The following C17orf107 variants were observed in gnomAD, a reference collection of about 807,000 sequenced individuals.
C17orf107 encodes the protein uncharacterized protein C17orf107.
A neutral mutation model predicts 8.9 loss-of-function variants in C17orf107; 9 were observed. The observed-to-expected ratio is 1.02, with a 90% CI of 0.61 to 1.77. The LOEUF is 1.77. Among genes scored for constraint, C17orf107 ranks in the 40% most tolerant of loss-of-function variants. The pLI, the probability that C17orf107 is intolerant of heterozygous loss-of-function variation, is 0.00. For missense variants in C17orf107, 281 were observed against 249.0 expected (o/e 1.13, Z -0.86); for synonymous variants, 139 against 120.3 (o/e 1.16, Z -1.02).
downstream of C17orf107, among the ~76,000 whole-genome samples, chr17:4,904,595 C>T (rs1172446216): frequency 2.0e-5 from 3 of 152,190 alleles, no homozygotes; most frequent in Non-Finnish European, 4.4e-5. Flanking sequence ...AAGCAATGAT[C>T]ACTGTCCTGA....
Position 4,900,139 on chromosome 17 carries a change from G to A in C17orf107, c.270G>A (p.Leu90=). Residue 90 remains leucine (L), a synonymous_variant, in exon 2 of 3, where the codon TTG becomes TTA. Coordinates refer to ENST00000381365, the MANE Select transcript of C17orf107 (RefSeq NM_001145536.2). ...TASLVSFGTT[L]LEISALWLQQ... ...GCCTCGTGAGCTTCGGCACCACCTT[G>A]TTAGAGGTGGGGTACTGGGGGGCTT... 1 of 1,550,158 alleles carries A rather than the reference G, an allele frequency of 6.5e-7. No homozygotes were observed. The highest frequency in any genetic ancestry group is 8.7e-7 in the Non-Finnish European group (1 of 1,146,702).
In C17orf107 at chr17:4,901,815, C is replaced by T; in HGVS notation, c.*1282C>T. 5 of 1,481,204 alleles carry T rather than the reference C, an allele frequency of 3.4e-6. No individual in the cohort carries two copies. Among genetic ancestry groups the T allele is most frequent in the Non-Finnish European group, 3.7e-6 (4 of 1,069,436 alleles). The allele number at this position is 1,481,204 out of a possible 1,614,324, so 91.8% of individuals were successfully genotyped here. ...TGGAGCGTCCCACCCAGTGCCTACG[C>T]CTGGCTCCGCCTCCAGCGCGAAGCC... is the stretch of plus-strand genomic sequence containing the variant. On this transcript the variant is annotated 3_prime_UTR_variant, in exon 3 of 3. Coordinates refer to ENST00000381365, the MANE Select transcript of C17orf107 (RefSeq NM_001145536.2).
In C17orf107 at chr17:4,902,653, G is replaced by A. The variant is rs751027608; in HGVS notation, c.*2120G>A. On this transcript the variant is annotated 3_prime_UTR_variant, in exon 3 of 3. Coordinates refer to ENST00000381365, the MANE Select transcript of C17orf107 (RefSeq NM_001145536.2). This position sits in a 1 kb window ranked among gnomAD's most constrained non-coding sequence, Gnocchi z 4.0. Reference sequence around the variant, plus strand: ...ATGAGATTCGTCAGGGTGACCTTGAGGCTGATGGTGACAGTATCCTCAGGC... The same window carrying A: ...ATGAGATTCGTCAGGGTGACCTTGAAGCTGATGGTGACAGTATCCTCAGGC... 2.5e-6 allele frequency: 4 copies of A among 1,614,064 alleles called. No homozygotes were observed. Among genetic ancestry groups the A allele is most frequent in the Non-Finnish European group, 2.5e-6 (3 of 1,179,994 alleles).
Position 4,900,878 on chromosome 17 carries a change from T to G in C17orf107, c.*345T>G, listed in dbSNP as rs1284578156. On this transcript the variant is annotated 3_prime_UTR_variant, in exon 3 of 3. Transcript: ENST00000381365. ...AAGACGGTCTGGGCGAGCAGGACGTTGATGGAGACCGTGCATTTCTGGCCG... is the reference window on the plus strand; with the variant it reads ...AAGACGGTCTGGGCGAGCAGGACGTGGATGGAGACCGTGCATTTCTGGCCG... The G allele has an allele frequency of 3.7e-6, 6 of 1,614,008 alleles. No homozygotes were observed. The highest frequency in any genetic ancestry group is 5.1e-6 in the Non-Finnish European group (6 of 1,179,970).
rs1408173794 is a variant in C17orf107 at position 4,900,854 on chromosome 17, AG to A, written c.*322del. 6.2e-7 allele frequency: 1 copy of A among 1,614,074 alleles called. No individual in the cohort carries two copies. The highest frequency in any genetic ancestry group is 1.3e-5 in the African/African-American group (1 of 74,950). ...ATTTTCTGGGCAATGAGGAACAAGA[AG>A]ACGGTCTGGGCGAGCAGGACGTTGA... On this transcript the variant is annotated 3_prime_UTR_variant, in exon 3 of 3. Transcript: ENST00000381365.
downstream of C17orf107, among the ~76,000 whole-genome samples, chr17:4,905,516 G>C (rs190351623): frequency 1.3e-5 from 2 of 152,096 alleles, no homozygotes; most frequent in African/African-American, 2.4e-5. Context: ...AGTGAGCTAC[G>C]ATCACACTAC....
downstream of C17orf107, among the ~76,000 whole-genome samples, chr17:4,904,517 G>T (rs999446092): frequency 1.3e-5 from 2 of 152,130 alleles, no homozygotes; most frequent in Non-Finnish European, 2.9e-5. Context: ...GGTGTTCCTC[G>T]TGAGGTAGGA....
Position 4,900,459 on chromosome 17 carries a change from C to G in C17orf107, c.499C>G (p.Leu167Val). The G allele has an allele frequency of 6.4e-7, 1 of 1,551,068 alleles. No homozygotes were observed. Among genetic ancestry groups the G allele is most frequent in the Non-Finnish European group, 8.7e-7 (1 of 1,146,934 alleles). Reference sequence around the variant, plus strand: ...GGGTCTGCAGGGGTCTGCCTCATTCCTGCGACAGTCGCAACAGCAGCTAGG... The same window carrying G: ...GGGTCTGCAGGGGTCTGCCTCATTCGTGCGACAGTCGCAACAGCAGCTAGG... ...GRGLQGSASF[L>V]RQSQQQLGLG... Residue 167 changes from leucine (L) to valine (V), a missense_variant, in exon 3 of 3, where the codon CTG becomes GTG. Coordinates refer to ENST00000381365, the MANE Select transcript of C17orf107 (RefSeq NM_001145536.2).
Position 4,901,691 on chromosome 17 carries a change from C to A in C17orf107, c.*1158C>A. 1 of 1,497,132 alleles carries A rather than the reference C, an allele frequency of 6.7e-7. No homozygotes were observed. The highest frequency in any genetic ancestry group is 2.3e-5 in the East Asian group (1 of 44,170). The allele number at this position is 1,497,132 out of a possible 1,614,324, so 92.7% of individuals were successfully genotyped here. On this transcript the variant is annotated 3_prime_UTR_variant, in exon 3 of 3. Coordinates refer to ENST00000381365, the MANE Select transcript of C17orf107 (RefSeq NM_001145536.2). ...CCTGGGCCCCGGCCTCAGGCCCAGC[C>A]CTGGAAGCTGGGATCTAGCGGGGCC... is the stretch of plus-strand genomic sequence containing the variant.
rs373275223 is a variant in C17orf107 at position 4,902,636 on chromosome 17, C to T, written c.*2103C>T. 9.7e-5 allele frequency: 156 copies of T among 1,613,978 alleles called. No individual in the cohort carries two copies. Among genetic ancestry groups the T allele is most frequent in the Non-Finnish European group, 1.3e-4 (149 of 1,180,018 alleles). ...GGTAGCTTACCAGTGAGATGAGATT[C>T]GTCAGGGTGACCTTGAGGCTGATGG... On this transcript the variant is annotated 3_prime_UTR_variant, in exon 3 of 3. Transcript: ENST00000381365. The surrounding 1 kb of genome is among the most constrained non-coding windows in gnomAD (Gnocchi z 4.0).
At position 4,900,420 on chromosome 17, in the gene C17orf107, T is replaced by C. The variant is rs946795759; in HGVS notation, c.460T>C (p.Cys154Arg). The C allele has an allele frequency of 6.4e-6, 10 of 1,550,844 alleles. No individual in the cohort carries two copies. In the East Asian group the frequency reaches 2.2e-4, roughly 34 times the overall value. Reference protein sequence around the residue: ...ARLLVQGAWLCLCGRGLQGSA... With the variant: ...ARLLVQGAWLRLCGRGLQGSA... ...GCTCCTAGTCCAGGGAGCATGGCTA[T>C]GCCTGTGTGGACGGGGTCTGCAGGG... Residue 154 changes from cysteine to arginine, a missense_variant, in exon 3 of 3, where the codon TGC becomes CGC. Physicochemically the swap from Cys to Arg is radical, Grantham distance 180. Transcript: ENST00000381365.
chr17:4,901,850 G>T lies in C17orf107; in HGVS notation c.*1317G>T, dbSNP rs1052241933. The T allele has an allele frequency of 2.5e-6, 4 of 1,586,910 alleles. No individual in the cohort carries two copies. The African/African-American group carries it at 5.4e-5, about 21-fold the overall frequency. Reference sequence around the variant, plus strand: ...CCTCCAGCGCGAAGCCCCGCCCCGAGGGCGGTGCTTCCCGGTTGGCCCCGC... The same window carrying T: ...CCTCCAGCGCGAAGCCCCGCCCCGATGGCGGTGCTTCCCGGTTGGCCCCGC... On this transcript the variant is annotated 3_prime_UTR_variant, in exon 3 of 3. Transcript: ENST00000381365.
Position 4,902,774 on chromosome 17 carries a change from G to A in C17orf107, c.*2241G>A, listed in dbSNP as rs764642253. 20 of 1,613,922 alleles carry A rather than the reference G, an allele frequency of 1.2e-5. No homozygotes were observed. In the East Asian group the frequency reaches 2.7e-4, roughly 22 times the overall value. On this transcript the variant is annotated 3_prime_UTR_variant, in exon 3 of 3. Transcript: ENST00000381365. The surrounding 1 kb of genome is among the most constrained non-coding windows in gnomAD (Gnocchi z 4.0). ...TCCCCACACCCCTGCCTGCGATGGG[G>A]TCAAGAAGGAAGGGTCATTGGCAAT...
chr17:4,901,237 G>A lies in C17orf107; in HGVS notation c.*704G>A, dbSNP rs1036405246. On this transcript the variant is annotated 3_prime_UTR_variant, in exon 3 of 3. Transcript: ENST00000381365. ...AGCTGGCTGTCAGAGCGGGGCGCCC[G>A]CCGAGCTGACAGCGGGCTGAAGAGG... The A allele has an allele frequency of 5.1e-6, 8 of 1,582,982 alleles. No individual in the cohort carries two copies. Among genetic ancestry groups the A allele is most frequent in the South Asian group, 1.1e-5 (1 of 89,940 alleles).
At chr17:4,906,009 C>T (rs888007983), downstream of C17orf107, among the ~76,000 whole-genome samples, 1 of 152,248 alleles carries the variant, frequency 6.6e-6, no homozygotes, top group African/African-American at 2.4e-5. Flanking sequence ...GCTCCTCTCA[C>T]TTCGTCAGCA....
Position 4,901,833 on chromosome 17 carries a change from G to A in C17orf107, c.*1300G>A, listed in dbSNP as rs559699657. 29 of 1,547,872 alleles carry A rather than the reference G, an allele frequency of 1.9e-5. 1 individual carries two copies. The highest frequency in any genetic ancestry group is 1.2e-4 in the South Asian group (11 of 88,784). On this transcript the variant is annotated 3_prime_UTR_variant, in exon 3 of 3. Coordinates refer to ENST00000381365, the MANE Select transcript of C17orf107 (RefSeq NM_001145536.2). ...GCCTACGCCTGGCTCCGCCTCCAGC[G>A]CGAAGCCCCGCCCCGAGGGCGGTGC...
downstream of C17orf107, among the ~76,000 whole-genome samples, chr17:4,904,158 C>T (rs969427033): frequency 4.0e-5 from 6 of 151,816 alleles, no homozygotes; most frequent in Non-Finnish European, 7.4e-5. Flanking sequence ...CGCCCAGCCT[C>T]GATGTTTTTT....
downstream of C17orf107, among the ~76,000 whole-genome samples, chr17:4,904,550 CT>C (rs1448548374): frequency 6.6e-6 from 1 of 152,174 alleles, no homozygotes; most frequent in Non-Finnish European, 1.5e-5. Flanking sequence ...AGCATATTTT[CT>C]GCTTACATCT....
Position 4,902,037 on chromosome 17 carries a change from T to A in C17orf107, c.*1504T>A. ...AGGCAGCCACGTCACGGAGCCGCCC[T>A]CGTAGACGAGCACGTTGGCGTCGTA... is the stretch of plus-strand genomic sequence containing the variant. On this transcript the variant is annotated 3_prime_UTR_variant, in exon 3 of 3. Transcript: ENST00000381365. This position sits in a 1 kb window ranked among gnomAD's most constrained non-coding sequence, Gnocchi z 4.0. The A allele has an allele frequency of 6.2e-7, 1 of 1,614,096 alleles. No homozygotes were observed. The highest frequency in any genetic ancestry group is 8.5e-7 in the Non-Finnish European group (1 of 1,180,038).
Sources: allele counts gnomAD v4.1 joint callset (sites outside exome capture counted in the v4.1 genomes callset), GRCh38; gene constraint gnomAD v4.1.1; non-coding constraint Gnocchi (gnomAD v3.1); transcripts MANE v1.5; gene names NCBI Gene and HGNC (gene_info 2026-07-23, HGNC 2026-07-21).